Variants in MAD1L1 observed in about 807,000 individuals in gnomAD.
MAD1L1 encodes mitotic arrest deficient 1 like 1, also known as mitotic spindle assembly checkpoint protein MAD1.
In MAD1L1, 95 loss-of-function variants were observed where a neutral mutation model predicts 96.9. That is an observed-to-expected ratio of 0.98 (90% CI 0.83 to 1.16). The LOEUF (loss-of-function observed/expected upper bound fraction) is 1.16. MAD1L1 is among the 50% of genes most tolerant of loss of function. The pLI is 0.00. For synonymous variants in MAD1L1, 473 were observed against 396.6 expected, an observed-to-expected ratio of 1.19 and a Z score of -2.29; for missense variants, 1,007 against 954.4, an observed-to-expected ratio of 1.06 and a Z score of -0.73.
At chr7:1,879,742 T>C (rs1785577973) in intron 18 of MAD1L1, among the ~76,000 whole-genome samples, 1 of 152,178 alleles carries the variant, frequency 6.6e-6, no homozygotes, top group Non-Finnish European at 1.5e-5. Flanking sequence ...CAAACTGATT[T>C]TCTTTTGAGA....
chr7:2,024,277 G>GT (rs1466201315), intron 12 of MAD1L1, among the ~76,000 whole-genome samples: 2 of 152,140 alleles, frequency 1.3e-5, no homozygotes, highest in Non-Finnish European at 2.9e-5. Context: ...TTCCTTGAAA[G>GT]ACACGAACCA....
intron 14 of MAD1L1, among the ~76,000 whole-genome samples, chr7:1,988,419 T>G (rs1467895706): frequency 2.0e-5 from 3 of 152,146 alleles, no homozygotes; most frequent in Admixed American, 1.3e-4. Flanking sequence ...CTACAAGACT[T>G]CAGCGCAGAC....
intron 18 of MAD1L1, among the ~76,000 whole-genome samples, chr7:1,891,190 C>T (rs1786516226): frequency 6.6e-6 from 1 of 152,170 alleles, no homozygotes; most frequent in South Asian, 2.1e-4. Context: ...TTTTCTATAG[C>T]TGTAGGATGT....
At chr7:1,917,607 C>T (rs1213105277) in intron 17 of MAD1L1, among the ~76,000 whole-genome samples, 3 of 152,244 alleles carry the variant, frequency 2.0e-5, no homozygotes, top group Admixed American at 6.5e-5. Flanking sequence ...GCTTGAGTTA[C>T]AAGCAAAGTT....
chr7:1,847,581 G>A (rs1406062276), intron 18 of MAD1L1: 3 of 471,026 alleles, frequency 6.4e-6, no homozygotes, highest in South Asian at 1.5e-5. Context: ...CCCATGTTCT[G>A]AAACCGGGAT....
chr7:2,084,618 G>A (rs1485232639), intron 11 of MAD1L1, among the ~76,000 whole-genome samples: 1 of 152,212 alleles, frequency 6.6e-6, no homozygotes, highest in African/African-American at 2.4e-5. Flanking sequence ...GGCGGCCACT[G>A]CAGCCGCCAG....
chr7:1,925,570 G>A (rs756157806), intron 17 of MAD1L1, among the ~76,000 whole-genome samples: 2 of 152,312 alleles, frequency 1.3e-5, no homozygotes, highest in Non-Finnish European at 2.9e-5. Flanking sequence ...ACAACAGCAC[G>A]AATCCACTCA....
chr7:2,002,536 A>T (rs900997174), intron 13 of MAD1L1, among the ~76,000 whole-genome samples: 5 of 152,158 alleles, frequency 3.3e-5, no homozygotes, highest in Non-Finnish European at 7.4e-5. Flanking sequence ...GCTCGTGCTT[A>T]AAGAACAGAA....
In MAD1L1 at chr7:2,038,498, C is replaced by CTTTTTTTTTTT. The variant is rs60466584; in HGVS notation, c.1219-23867_1219-23857dup. Among the ~76,000 whole-genome samples the CTTTTTTTTTTT allele has an allele frequency of 2.5e-3, 230 of 92,854 alleles. 13 individuals carry two copies. Among genetic ancestry groups the CTTTTTTTTTTT allele is most frequent in the Middle Eastern group, 6.2e-3 (1 of 162 alleles). 60.9% of individuals were successfully genotyped at this position (92,854 alleles called of 152,430 possible). ...TGTTAGGAGATAATGAAGCTGATGACTTTTTTTTTTTTTTTTTTTTTTTTT... is the reference window on the plus strand; with the variant it reads ...TGTTAGGAGATAATGAAGCTGATGACTTTTTTTTTTTTTTTTTTTTTTTTTTTTTTTTTTTT... On this transcript the variant is annotated intron_variant, in intron 12 of 18. Coordinates refer to ENST00000265854, the MANE Select transcript of MAD1L1 (RefSeq NM_001013836.2).
chr7:2,125,231 C>T (rs1788175732), intron 11 of MAD1L1, among the ~76,000 whole-genome samples: 1 of 152,162 alleles, frequency 6.6e-6, no homozygotes, highest in South Asian at 2.1e-4. Context: ...TCCAGCAGGT[C>T]CTGGACCCAA....
intron 5 of MAD1L1, 47 bp downstream of exon 5, chr7:2,222,528 C>A (rs974304694): frequency 2.3e-5 from 35 of 1,494,078 alleles, no homozygotes; most frequent in Non-Finnish European, 3.1e-5. Context: ...GCATGCACTC[C>A]CTCTCCTCGG....
intron 11 of MAD1L1, among the ~76,000 whole-genome samples, chr7:2,076,417 G>C (rs568782312): frequency 6.6e-6 from 1 of 152,218 alleles, no homozygotes; most frequent in African/African-American, 2.4e-5. Context: ...AAACCAGGAA[G>C]AGAGCCCTCC....
chr7:2,012,423 G>T (rs1217955853), intron 13 of MAD1L1, among the ~76,000 whole-genome samples: 2 of 152,230 alleles, frequency 1.3e-5, no homozygotes, highest in Admixed American at 6.5e-5. Flanking sequence ...TTCACAGGGA[G>T]CCAAGGGTGT....
At chr7:1,850,245 T>C (rs950732495) in intron 18 of MAD1L1, among the ~76,000 whole-genome samples, 2 of 152,084 alleles carry the variant, frequency 1.3e-5, no homozygotes, top group African/African-American at 4.8e-5. Context: ...AGGCGCCCAG[T>C]CAGGTCCCGA....
chr7:2,198,633 C>T (rs1792119283), intron 10 of MAD1L1, among the ~76,000 whole-genome samples: 1 of 152,218 alleles, frequency 6.6e-6, no homozygotes, highest in Non-Finnish European at 1.5e-5. Context: ...CTTCAGGCCC[C>T]CTCTCCAGGC....
chr7:2,223,469 C>G (rs920503110), intron 4 of MAD1L1: 4 of 152,250 alleles, frequency 2.6e-5, no homozygotes, highest in Non-Finnish European at 4.4e-5. Flanking sequence ...CCTGGTGGAG[C>G]CCGGCACTCC....
chr7:2,154,761 T>A (rs13240401), intron 10 of MAD1L1, among the ~76,000 whole-genome samples: 329 of 152,146 alleles, frequency 2.2e-3, no homozygotes, highest in Non-Finnish European at 2.9e-3. Flanking sequence ...AAAGAAAAGA[T>A]GAAATGGTTT....
In MAD1L1 at chr7:2,186,237, AAT is replaced by A. The variant is rs567791491; in HGVS notation, c.986+26973_986+26974del. ...AAGAATGTTTCAGATACACTTAAAA[AAT>A]ATGTTTAATGAAATGGTATTCACTA... On this transcript the variant is annotated intron_variant, in intron 10 of 18. Coordinates refer to ENST00000265854, the MANE Select transcript of MAD1L1 (RefSeq NM_001013836.2). Among the ~76,000 whole-genome samples, 194 of 152,354 alleles carry A rather than the reference AAT, an allele frequency of 1.3e-3. No homozygotes were observed. The South Asian group carries it at 0.013, about 11-fold the overall frequency.
At chr7:1,959,174 C>T (rs2128474612) in intron 15 of MAD1L1, among the ~76,000 whole-genome samples, 1 of 152,264 alleles carries the variant, frequency 6.6e-6, no homozygotes, top group South Asian at 2.1e-4. Context: ...ATCGCTTGAA[C>T]CCAGGGGGTG....
Sources: allele counts gnomAD v4.1 joint callset (sites outside exome capture counted in the v4.1 genomes callset), GRCh38; gene constraint gnomAD v4.1.1; transcripts MANE v1.5; gene names NCBI Gene and HGNC (gene_info 2026-07-23, HGNC 2026-07-21).